The following MCU variants were observed in gnomAD, a reference collection of about 807,000 sequenced individuals.
MCU encodes mitochondrial calcium uniporter.
MCU carries 12 observed loss-of-function variants against 45.2 expected under a neutral mutation model. The observed-to-expected ratio is 0.27, with a 90% CI of 0.17 to 0.43. MCU has a LOEUF of 0.43. Ranked by LOEUF, MCU falls within the 20% of genes least tolerant of loss-of-function variation. The pLI, the probability that MCU is intolerant of heterozygous loss-of-function variation, is 1.00. For synonymous variants in MCU, 160 were observed against 165.1 expected (o/e 0.97, Z 0.24); for missense variants, 324 against 436.7 (o/e 0.74, Z 2.30).
At chr10:72,814,163 G>T (rs1844590312) in intron 1 of MCU, among the ~76,000 whole-genome samples, 1 of 152,204 alleles carries the variant, frequency 6.6e-6, no homozygotes, top group Admixed American at 6.5e-5. Context: ...TTTAGTAATG[G>T]TCAGGTGAAA....
At chr10:72,872,916 T>A (rs569642682) in intron 6 of MCU, among the ~76,000 whole-genome samples, 1 of 152,052 alleles carries the variant, frequency 6.6e-6, no homozygotes, top group Admixed American at 6.6e-5. Context: ...GCATTTGATA[T>A]TCTTTTTCTT....
chr10:72,833,513 A>G (rs1844910249), intron 1 of MCU, among the ~76,000 whole-genome samples: 2 of 152,218 alleles, frequency 1.3e-5, no homozygotes, highest in South Asian at 4.1e-4. Flanking sequence ...AGCTTAGTAG[A>G]TACTAAATGA....
At chr10:72,805,141 T>TTCTTTCTTTCTTTCTGTCTC (rs1224601740) in intron 1 of MCU, among the ~76,000 whole-genome samples, 1 of 139,056 alleles carries the variant, frequency 7.2e-6, no homozygotes, top group East Asian at 2.2e-4. Flanking sequence ...CTTTCTTTCT[T>TTCTTTCTTTCTTTCTGTCTC]TCTTTCTTTC....
At chr10:72,728,899 C>A (rs918074005) in intron 1 of MCU, among the ~76,000 whole-genome samples, 1 of 152,136 alleles carries the variant, frequency 6.6e-6, no homozygotes, top group Admixed American at 6.5e-5. Context: ...AGGAGAATAG[C>A]ATGAGGGATC....
At chr10:72,725,836 A>T (rs1843090851) in intron 1 of MCU, among the ~76,000 whole-genome samples, 1 of 152,122 alleles carries the variant, frequency 6.6e-6, no homozygotes, top group Non-Finnish European at 1.5e-5. Context: ...ATGAGCCAAG[A>T]TTGCACCATT....
At position 72,834,442 on chromosome 10, in the gene MCU, A is replaced by C; in HGVS notation, c.220+14A>C. On this transcript the variant is annotated intron_variant, in intron 2 of 7. Transcript: ENST00000373053. ...TGCCCTCTGATGGTGAGTTTCAGCA[A>C]ATCCACCTTTTATGTCTAATATTAT... 6.2e-7 allele frequency: 1 copy of C among 1,607,314 alleles called. No homozygotes were observed. The highest frequency in any genetic ancestry group is 8.5e-7 in the Non-Finnish European group (1 of 1,174,842).
chr10:72,693,029 G>T, intron 1 of MCU: 1 of 1,536,176 alleles, frequency 6.5e-7, no homozygotes, highest in Non-Finnish European at 8.7e-7. Flanking sequence ...TGCCTGAAGC[G>T]GGAAGGGTGG....
At chr10:72,797,197 T>A (rs1441195290) in intron 1 of MCU, among the ~76,000 whole-genome samples, 1 of 151,454 alleles carries the variant, frequency 6.6e-6, no homozygotes, top group African/African-American at 2.4e-5. Flanking sequence ...TTGCTGTTTC[T>A]ACTTTATAAC....
Position 72,806,417 on chromosome 10 carries a change from C to T in MCU, c.151-27942C>T, listed in dbSNP as rs549536763. 1.4e-3 allele frequency among the ~76,000 whole-genome samples: 220 copies of T among 152,258 alleles called. 2 individuals are homozygous for T. Among genetic ancestry groups the T allele is most frequent in the African/African-American group, 4.8e-3 (201 of 41,556 alleles). On this transcript the variant is annotated intron_variant, in intron 1 of 7. Coordinates refer to ENST00000373053, the MANE Select transcript of MCU (RefSeq NM_138357.3). ...TCAGCTGATCCGCCCATCTTGGCCT[C>T]CCAAAGTGCTGGAATTACAGGCGTG...
At chr10:72,739,963 A>G (rs1843303862) in intron 1 of MCU, among the ~76,000 whole-genome samples, 1 of 151,780 alleles carries the variant, frequency 6.6e-6, no homozygotes. Context: ...GGTGTGAGCC[A>G]CCGTGCCCAG....
intron 4 of MCU, among the ~76,000 whole-genome samples, chr10:72,867,373 A>G (rs1345128236): frequency 6.6e-6 from 1 of 152,206 alleles, no homozygotes; most frequent in East Asian, 1.9e-4. Flanking sequence ...TTAGATTTCT[A>G]GAAATACATG....
intron 1 of MCU, among the ~76,000 whole-genome samples, chr10:72,745,013 A>G (rs1021034954): frequency 6.6e-6 from 1 of 151,586 alleles, no homozygotes; most frequent in African/African-American, 2.4e-5. Flanking sequence ...AATTTGTATA[A>G]TAAGGCCCAC....
intron 1 of MCU, among the ~76,000 whole-genome samples, chr10:72,791,120 T>C: frequency 6.6e-6 from 1 of 152,208 alleles, no homozygotes; most frequent in Non-Finnish European, 1.5e-5. Flanking sequence ...ATCTTCTCAT[T>C]GTTAAGAGGT....
chr10:72,699,517 A>T (rs1050828768), intron 1 of MCU, among the ~76,000 whole-genome samples: 6 of 151,932 alleles, frequency 3.9e-5, no homozygotes, highest in Non-Finnish European at 8.8e-5. Context: ...GGAAAAAGGG[A>T]AAAAAAAGAA....
chr10:72,873,239 C>T (rs900500675), intron 6 of MCU, among the ~76,000 whole-genome samples: 3 of 151,890 alleles, frequency 2.0e-5, no homozygotes, highest in Middle Eastern at 3.4e-3. Flanking sequence ...AGGATGGTCT[C>T]GATCTCCTGA....
chr10:72,736,299 A>G (rs1843251322), intron 1 of MCU, among the ~76,000 whole-genome samples: 1 of 152,204 alleles, frequency 6.6e-6, no homozygotes, highest in African/African-American at 2.4e-5. Context: ...ATCATTCTGC[A>G]TGCTCAGATT....
At chr10:72,728,408 T>G (rs1378115486) in intron 1 of MCU, among the ~76,000 whole-genome samples, 2 of 152,206 alleles carry the variant, frequency 1.3e-5, no homozygotes, top group African/African-American at 4.8e-5. Context: ...ATGGGAAATT[T>G]GATACAGTGG....
At chr10:72,805,101 C>CTCTTTCTTT (rs1844414487) in intron 1 of MCU, among the ~76,000 whole-genome samples, 1 of 103,398 alleles carries the variant, frequency 9.7e-6, no homozygotes, top group Non-Finnish European at 1.9e-5. Context: ...TTCTTTCTTT[C>CTCTTTCTTT]TCTTTCTTTC....
At chr10:72,709,601 A>AG (rs1842864964) in intron 1 of MCU, among the ~76,000 whole-genome samples, 1 of 151,248 alleles carries the variant, frequency 6.6e-6, no homozygotes, top group Non-Finnish European at 1.5e-5. Flanking sequence ...TTCTTTTTTG[A>AG]GGGGACCCCT....
Sources: gnomAD v4.1 joint callset for allele counts (sites outside exome capture counted in the v4.1 genomes callset) on GRCh38, gnomAD v4.1.1 for gene constraint, MANE v1.5 for transcripts, NCBI Gene and HGNC (gene_info 2026-07-23, HGNC 2026-07-21) for gene names.